The following CHCHD3 variants were observed in gnomAD, a reference collection of about 807,000 sequenced individuals.
CHCHD3 encodes the protein coiled-coil-helix-coiled-coil-helix domain containing 3.
CHCHD3 carries 20 observed loss-of-function variants against 38.2 expected under a neutral mutation model. The ratio of observed to expected loss-of-function variants is 0.52; its 90% CI spans 0.37 to 0.76. The LOEUF (loss-of-function observed/expected upper bound fraction) is 0.76, where lower values mean the gene tolerates loss of function less well. Among genes scored for constraint, CHCHD3 ranks in the 30% least tolerant of loss-of-function variants. The pLI is 0.00. For synonymous variants in CHCHD3, 82 were observed against 100.0 expected, an observed-to-expected ratio of 0.82 and a Z score of 1.07; for missense variants, 245 against 279.2, an observed-to-expected ratio of 0.88 and a Z score of 0.87.
intron 7 of CHCHD3, among the ~76,000 whole-genome samples, chr7:132,789,941 T>C (rs745908259): frequency 4.6e-5 from 7 of 152,248 alleles, no homozygotes; most frequent in Middle Eastern, 3.4e-3. Flanking sequence ...GGAGCTTCGA[T>C]GAGGAAAAAG....
At chr7:132,804,575 G>T (rs747847522) in intron 6 of CHCHD3, among the ~76,000 whole-genome samples, 3 of 152,270 alleles carry the variant, frequency 2.0e-5, no homozygotes, top group African/African-American at 4.8e-5. Context: ...ACCAAGAGAA[G>T]TCAAGAACAG....
intron 3 of CHCHD3, among the ~76,000 whole-genome samples, chr7:133,018,815 T>G (rs1813094574): frequency 6.7e-6 from 1 of 150,006 alleles, no homozygotes; most frequent in Admixed American, 6.7e-5. Flanking sequence ...TTCATTCAAC[T>G]GAACAAATAC....
At chr7:132,866,434 T>TA (rs1260730556) in intron 5 of CHCHD3, among the ~76,000 whole-genome samples, 9 of 152,228 alleles carry the variant, frequency 5.9e-5, no homozygotes, top group Admixed American at 1.3e-4. Context: ...ATTGCAGTGC[T>TA]AGCAAACACA....
intron 2 of CHCHD3, among the ~76,000 whole-genome samples, chr7:133,048,504 T>A (rs1562948296): frequency 6.6e-6 from 1 of 151,504 alleles, no homozygotes; most frequent in East Asian, 1.9e-4. Flanking sequence ...AATAGAGAAG[T>A]GAGGAGAAGG....
chr7:133,002,937 A>T (rs1812609593), intron 3 of CHCHD3, among the ~76,000 whole-genome samples: 1 of 152,200 alleles, frequency 6.6e-6, no homozygotes, highest in Admixed American at 6.5e-5. Flanking sequence ...GTTTGATTAC[A>T]TTTTCCAGGG....
At chr7:132,919,623 A>C (rs1810209103) in intron 4 of CHCHD3, among the ~76,000 whole-genome samples, 1 of 152,226 alleles carries the variant, frequency 6.6e-6, no homozygotes, top group South Asian at 2.1e-4. Flanking sequence ...ATGAAACACA[A>C]GGCATACTGC....
rs1243665022 is a variant in CHCHD3 at position 132,935,140 on chromosome 7, A to G, written c.369+40029T>C. On this transcript the variant is annotated intron_variant, in intron 4 of 7. Coordinates refer to ENST00000262570, the MANE Select transcript of CHCHD3 (RefSeq NM_017812.4). ...ATTATTAATCCTGCCTCAGAATCCA[A>G]TCACTCACAAATGCCTACTGGCAAA... Among the ~76,000 whole-genome samples the G allele has an allele frequency of 3.3e-4, 50 of 152,346 alleles. 1 individual carries two copies. Among genetic ancestry groups the G allele is most frequent in the Admixed American group, 3.3e-3 (50 of 15,302 alleles).
At chr7:132,977,688 T>C (rs113151922) in intron 3 of CHCHD3, among the ~76,000 whole-genome samples, 2,851 of 152,346 alleles carry the variant, frequency 0.019, 103 homozygotes, top group African/African-American at 0.064. Flanking sequence ...TATTAGTTCA[T>C]GAACATAAAA....
chr7:132,785,689 T>A (rs1585511440), intron 7 of CHCHD3, 29 bp from the exon 8 acceptor site: 1 of 1,613,344 alleles, frequency 6.2e-7, no homozygotes, highest in South Asian at 1.1e-5. Flanking sequence ...GAGTAAGTTT[T>A]ACCACCGGGA....
Position 132,824,314 on chromosome 7 carries a change from C to CTTTTTTTTTTTTTTTT in CHCHD3, c.524+14069_524+14084dup, listed in dbSNP as rs57262694. On this transcript the variant is annotated intron_variant, in intron 6 of 7. Transcript: ENST00000262570. ...AAAAATATTCCCAAGTAGTAGAACT[C>CTTTTTTTTTTTTTTTT]TTTTTTTTTTTTTTTTTTTTTTGAG... Among the ~76,000 whole-genome samples, 11 of 90,132 alleles carry CTTTTTTTTTTTTTTTT rather than the reference C, an allele frequency of 1.2e-4. 1 individual carries two copies. The highest frequency in any genetic ancestry group is 4.4e-4 in the South Asian group (1 of 2,264). The allele number at this position is 90,132 out of a possible 152,430, so 59.1% of individuals were successfully genotyped here.
At chr7:132,811,543 C>A (rs1231215015) in intron 6 of CHCHD3, among the ~76,000 whole-genome samples, 1 of 152,212 alleles carries the variant, frequency 6.6e-6, no homozygotes, top group Admixed American at 6.5e-5. Flanking sequence ...CACTTCCTTA[C>A]CTTCCATCCA....
At chr7:132,793,792 T>C (rs1256433987) in intron 7 of CHCHD3, among the ~76,000 whole-genome samples, 1 of 152,254 alleles carries the variant, frequency 6.6e-6, no homozygotes, top group East Asian at 1.9e-4. Context: ...TCATGTATAG[T>C]ATTTTCCATG....
chr7:133,078,401 C>A lies in CHCHD3; in HGVS notation c.81+3456G>T, dbSNP rs117643385. On this transcript the variant is annotated intron_variant, in intron 1 of 7. Coordinates refer to ENST00000262570, the MANE Select transcript of CHCHD3 (RefSeq NM_017812.4). ...TACATTAAGATAAATGATGACTGAG[C>A]CTGGTGGAGCGGCACATGCCCGTAG... 3.3e-5 allele frequency among the ~76,000 whole-genome samples: 5 copies of A among 152,224 alleles called. No homozygotes were observed. The East Asian group carries it at 5.8e-4, about 18-fold the overall frequency.
At chr7:133,015,490 A>C (rs1480725216) in intron 3 of CHCHD3, among the ~76,000 whole-genome samples, 2 of 152,206 alleles carry the variant, frequency 1.3e-5, no homozygotes, top group African/African-American at 4.8e-5. Context: ...TGTACAGAGT[A>C]GCTATCTAGA....
chr7:132,978,013 A>T lies in CHCHD3; in HGVS notation c.252-2727T>A, dbSNP rs1468558601. 3.3e-5 allele frequency among the ~76,000 whole-genome samples: 5 copies of T among 152,168 alleles called. No homozygotes were observed. The East Asian group carries it at 7.7e-4, about 23-fold the overall frequency. On this transcript the variant is annotated intron_variant, in intron 3 of 7. Coordinates refer to ENST00000262570, the MANE Select transcript of CHCHD3 (RefSeq NM_017812.4). ...TCCAAATCAAGGCTCTAAACTTCCT[A>T]TCTGAATAAGTACTTTATTTAATCT...
At chr7:133,033,770 C>T (rs1248308565) in intron 2 of CHCHD3, among the ~76,000 whole-genome samples, 2 of 152,134 alleles carry the variant, frequency 1.3e-5, no homozygotes, top group Non-Finnish European at 2.9e-5. Flanking sequence ...CACATTTTGC[C>T]CGGTCCACTT....
intron 2 of CHCHD3, among the ~76,000 whole-genome samples, chr7:133,025,102 T>C (rs1192340327): frequency 6.6e-6 from 1 of 152,234 alleles, no homozygotes; most frequent in Non-Finnish European, 1.5e-5. Flanking sequence ...CATTTTTCCA[T>C]TATTTATGAA....
At chr7:132,815,579 G>A (rs1358120298) in intron 6 of CHCHD3, 5 of 456,388 alleles carry the variant, frequency 1.1e-5, no homozygotes, top group Non-Finnish European at 2.2e-5. Context: ...ACTGGGACAA[G>A]AGGTAACAAA....
chr7:132,959,697 T>C (rs1356687375), intron 4 of CHCHD3, among the ~76,000 whole-genome samples: 1 of 128,744 alleles, frequency 7.8e-6, no homozygotes, highest in Admixed American at 9.8e-5. Flanking sequence ...TACTCCAGCC[T>C]GGGCGACAGA....
Sources: allele counts gnomAD v4.1 joint callset (sites outside exome capture counted in the v4.1 genomes callset), GRCh38; gene constraint gnomAD v4.1.1; transcripts MANE v1.5; gene names NCBI Gene and HGNC (gene_info 2026-07-23, HGNC 2026-07-21).